The following PPP2R5C variants were observed in gnomAD, a reference collection of about 807,000 sequenced individuals.
PPP2R5C encodes the protein protein phosphatase 2 regulatory subunit B'gamma.
Under a neutral mutation model 68.9 loss-of-function variants are expected in PPP2R5C, and 7 were observed. That is an observed-to-expected ratio of 0.10 (90% CI 0.06 to 0.19). The LOEUF (loss-of-function observed/expected upper bound fraction) is 0.19, where lower values mean the gene tolerates loss of function less well. Ranked by LOEUF, PPP2R5C falls within the 10% of genes least tolerant of loss-of-function variation. The probability of loss-of-function intolerance (pLI) is 1.00; values close to 1 mark genes in which losing one functional copy is unlikely to be tolerated. For missense variants in PPP2R5C, 348 were observed against 641.3 expected (o/e 0.54, Z 4.94); for synonymous variants, 210 against 222.2 (o/e 0.95, Z 0.49).
At chr14:101,812,841 A>G (rs980625192) in intron 1 of PPP2R5C, among the ~76,000 whole-genome samples, 2 of 152,258 alleles carry the variant, frequency 1.3e-5, no homozygotes, top group Non-Finnish European at 2.9e-5. Flanking sequence ...AGTAAGGAAA[A>G]TGATCACCTG....
At chr14:101,911,623 C>T (rs56294334) in intron 11 of PPP2R5C, among the ~76,000 whole-genome samples, 1,865 of 152,250 alleles carry the variant, frequency 0.012, 37 homozygotes, top group African/African-American at 0.041. Flanking sequence ...TGGCTCACAC[C>T]TGTAATCCCA....
intron 3 of PPP2R5C, among the ~76,000 whole-genome samples, chr14:101,792,491 C>G (rs1265839790): frequency 6.6e-6 from 1 of 152,188 alleles, no homozygotes; most frequent in African/African-American, 2.4e-5. Context: ...TTTTTCTTAC[C>G]AACCAGAGAT....
At chr14:101,782,052 TTC>T (rs2037730769) in intron 2 of PPP2R5C, among the ~76,000 whole-genome samples, 2 of 80,946 alleles carry the variant, frequency 2.5e-5, no homozygotes, top group Admixed American at 1.3e-4. Flanking sequence ...TCTCTCCCCC[TTC>T]TCTCTTTCTC....
At position 101,787,133 on chromosome 14, in the gene PPP2R5C, C is replaced by G. The variant is rs542752328; in HGVS notation, c.259+950C>G. Among the ~76,000 whole-genome samples the G allele has an allele frequency of 9.9e-5, 15 of 152,232 alleles. No individual in the cohort carries two copies. The East Asian group carries it at 2.9e-3, about 29-fold the overall frequency. Reference sequence around the variant, plus strand: ...GGCATGGTGGCACACACCTGTGGTCCCGGCTACTCAGGAGGCTGAAGTGGG... The same window carrying G: ...GGCATGGTGGCACACACCTGTGGTCGCGGCTACTCAGGAGGCTGAAGTGGG... On this transcript the variant is annotated intron_variant, in intron 3 of 14. Transcript: ENST00000328724.
intron 5 of PPP2R5C, among the ~76,000 whole-genome samples, chr14:101,884,621 T>A (rs960607216): frequency 6.6e-6 from 1 of 152,222 alleles, no homozygotes; most frequent in African/African-American, 2.4e-5. Flanking sequence ...CAGAGTCCAG[T>A]GGCAGGCCCA....
chr14:101,874,166 C>T (rs2043602652), intron 2 of PPP2R5C, among the ~76,000 whole-genome samples: 1 of 152,194 alleles, frequency 6.6e-6, no homozygotes, highest in Non-Finnish European at 1.5e-5. Context: ...AATGGCTGTG[C>T]ATACATGACT....
intron 10 of PPP2R5C, 145 bp from the exon 13 acceptor site, chr14:101,909,444 C>A (rs1013340671): frequency 2.2e-6 from 1 of 458,454 alleles, no homozygotes; most frequent in East Asian, 3.2e-5. Flanking sequence ...AAACAAGTAA[C>A]GCGGAATGAG....
chr14:101,880,078 C>T (rs1198721616), intron 2 of PPP2R5C, among the ~76,000 whole-genome samples: 1 of 152,190 alleles, frequency 6.6e-6, no homozygotes, highest in Non-Finnish European at 1.5e-5. Context: ...CTGTCAATCA[C>T]CGTTCTTTGG....
At chr14:101,810,796 A>C (rs2039314351) in intron 1 of PPP2R5C, among the ~76,000 whole-genome samples, 1 of 152,224 alleles carries the variant, frequency 6.6e-6, no homozygotes, top group African/African-American at 2.4e-5. Flanking sequence ...AACTTAGCCT[A>C]AAAGCACAAC....
intron 1 of PPP2R5C, among the ~76,000 whole-genome samples, chr14:101,840,498 A>G (rs2041399675): frequency 7.0e-6 from 1 of 141,888 alleles, no homozygotes; most frequent in Admixed American, 7.0e-5. Flanking sequence ...AAAAAAAAAA[A>G]AAAAAAAAAA....
In PPP2R5C at chr14:101,879,139, A is replaced by T. The variant is rs965510108; in HGVS notation, c.295-3022A>T. 2 of 152,384 alleles carry T rather than the reference A, an allele frequency of 1.3e-5. No homozygotes were observed. Among genetic ancestry groups the T allele is most frequent in the Non-Finnish European group, 2.9e-5 (2 of 68,188 alleles). 9.4% of individuals were successfully genotyped at this position (152,384 alleles called of 1,614,324 possible). A position where few individuals can be genotyped will look rare whatever the true frequency, so the allele number is the denominator to read the frequency against. ...GGACATGCTGTGGGAGAGGAGGGGA[A>T]GCAAGGGTGGCTCCGAGCCCCTCTT... On this transcript the variant is annotated intron_variant, in intron 2 of 13. Transcript: ENST00000334743. This position sits in a 1 kb window ranked among gnomAD's most constrained non-coding sequence, Gnocchi z 4.2.
intron 3 of PPP2R5C, among the ~76,000 whole-genome samples, chr14:101,798,886 G>T (rs2038737300): frequency 6.6e-6 from 1 of 152,226 alleles, no homozygotes; most frequent in Admixed American, 6.5e-5. Context: ...CTTAGCAAGT[G>T]CATCATGGGG....
upstream of PPP2R5C, among the ~76,000 whole-genome samples, chr14:101,809,039 A>T (rs1320016934): frequency 6.6e-6 from 1 of 152,214 alleles, no homozygotes; most frequent in Non-Finnish European, 1.5e-5. Context: ...ATAAGTGAAA[A>T]TATCTTTAAT....
chr14:101,895,698 G>T (rs2045274364), intron 8 of PPP2R5C, among the ~76,000 whole-genome samples: 1 of 152,008 alleles, frequency 6.6e-6, no homozygotes, highest in Non-Finnish European at 1.5e-5. Flanking sequence ...GAACACATTG[G>T]GTTTATTCAT....
chr14:101,793,500 G>A (rs1016221687), intron 3 of PPP2R5C, among the ~76,000 whole-genome samples: 7 of 152,226 alleles, frequency 4.6e-5, no homozygotes, highest in Admixed American at 1.3e-4. Context: ...TCCACCCCTC[G>A]TGGGAGGGGA....
chr14:101,884,020 C>T (rs187871102), intron 5 of PPP2R5C, among the ~76,000 whole-genome samples: 3 of 152,276 alleles, frequency 2.0e-5, no homozygotes, highest in East Asian at 1.9e-4. Context: ...GTCTGCAGGC[C>T]GAGTCCCAAA....
At chr14:101,774,105 C>T (rs1306810543) in intron 2 of PPP2R5C, among the ~76,000 whole-genome samples, 3 of 152,200 alleles carry the variant, frequency 2.0e-5, no homozygotes, top group Non-Finnish European at 4.4e-5. Context: ...AAGAGCTGAA[C>T]AAGGAGACCA....
At chr14:101,819,931 T>C (rs1490187027) in intron 1 of PPP2R5C, 1 of 152,236 alleles carries the variant, frequency 6.6e-6, no homozygotes, top group African/African-American at 2.4e-5. Context: ...GCCTCCTTTT[T>C]AATTTTGCGT....
intron 9 of PPP2R5C, among the ~76,000 whole-genome samples, chr14:101,902,915 G>A (rs1396348655): frequency 1.3e-5 from 2 of 151,992 alleles, no homozygotes; most frequent in East Asian, 1.9e-4. Context: ...AGGAACTGCT[G>A]TGGTGTAGTC....
Sources: allele counts gnomAD v4.1 joint callset (sites outside exome capture counted in the v4.1 genomes callset), GRCh38; gene constraint gnomAD v4.1.1; non-coding constraint Gnocchi (gnomAD v3.1); transcripts MANE v1.5; gene names NCBI Gene and HGNC (gene_info 2026-07-23, HGNC 2026-07-21).